TNC: variants seen among roughly 807,000 people sequenced by gnomAD.
TNC encodes tenascin.
In TNC, 109 loss-of-function variants were observed where a neutral mutation model predicts 202.4. The ratio of observed to expected loss-of-function variants is 0.54; its 90% CI spans 0.46 to 0.63. The LOEUF (loss-of-function observed/expected upper bound fraction) is 0.63, where lower values mean the gene tolerates loss of function less well. Among genes scored for constraint, TNC ranks in the 30% least tolerant of loss-of-function variants. TNC has a pLI of 0.00. For missense variants in TNC, 2,756 were observed against 2,833.3 expected, an observed-to-expected ratio of 0.97 and a Z score of 0.62; for synonymous variants, 1,007 against 1,089.7, an observed-to-expected ratio of 0.92 and a Z score of 1.50.
Position 115,097,544 on chromosome 9 carries a change from A to C in TNC, c.-136-6390T>G, listed in dbSNP as rs547245421. On this transcript the variant is annotated intron_variant, in intron 1 of 27. Transcript: ENST00000350763. ...GGTCCCAAGAAAGACATCTCAAAAA[A>C]GTGGTATTTGAGATGTACTTGAAAG... is the stretch of plus-strand genomic sequence containing the variant. Among the ~76,000 whole-genome samples the C allele has an allele frequency of 5.3e-5, 8 of 152,328 alleles. No individual in the cohort carries two copies. The South Asian group carries it at 1.7e-3, about 32-fold the overall frequency.
intron 6 of TNC, 43 bp downstream of exon 6, chr9:115,081,729 C>T: frequency 6.2e-7 from 1 of 1,609,878 alleles, no homozygotes. Context: ...CTATGAGGTA[C>T]AATCAGCCTT....
At position 115,090,595 on chromosome 9, in the gene TNC, C is replaced by A; in HGVS notation, c.424G>T (p.Ala142Ser). ...GGCTGGAGACAGCAGCCTGCTCCTG[C>A]AGTACATTGCTCCCTCAGGGAAGAC... Reference protein sequence around the residue: ...LVSSLREQCTAGAGCCLQPAT... With the variant: ...LVSSLREQCTSGAGCCLQPAT... The change falls in exon 2 of 28, where the codon GCA (alanine) becomes TCA (serine). Residue 142 changes from alanine to serine, a missense_variant. Transcript: ENST00000350763. 6.3e-7 allele frequency: 1 copy of A among 1,591,886 alleles called. No individual in the cohort carries two copies. Among genetic ancestry groups the A allele is most frequent in the Non-Finnish European group, 8.6e-7 (1 of 1,167,920 alleles).
At chr9:115,091,447 T>C (rs1835227721) in intron 1 of TNC, among the ~76,000 whole-genome samples, 1 of 152,246 alleles carries the variant, frequency 6.6e-6, no homozygotes, top group Admixed American at 6.5e-5. Context: ...GCTGTAGCTC[T>C]GGTCCCTTGG....
intron 18 of TNC, 83 bp from the exon 19 acceptor site, chr9:115,041,167 A>G: frequency 2.8e-6 from 4 of 1,446,866 alleles, no homozygotes; most frequent in Admixed American, 4.5e-5. Context: ...AGTGTATCTG[A>G]TTTAGAAATG....
At chr9:115,082,960 G>A (rs1031356500) in intron 4 of TNC, among the ~76,000 whole-genome samples, 153 bp from the exon 5 acceptor site, 3 of 152,206 alleles carry the variant, frequency 2.0e-5, no homozygotes, top group Admixed American at 6.5e-5. Context: ...CTGGGATGAG[G>A]TCTCTATGAG....
chr9:115,074,867 A>T (rs1020276527), intron 9 of TNC, among the ~76,000 whole-genome samples: 1 of 152,226 alleles, frequency 6.6e-6, no homozygotes, highest in Admixed American at 6.5e-5. Context: ...AGATTACGCC[A>T]ATGTCAATTT....
At chr9:115,069,701 TC>T (rs1833272931) in intron 10 of TNC, among the ~76,000 whole-genome samples, 1 of 14,840 alleles carries the variant, frequency 6.7e-5, no homozygotes, top group African/African-American at 3.5e-4. Context: ...CCTCCCTCCC[TC>T]CCTCCCTTCC....
At position 115,082,170 on chromosome 9, in the gene TNC, T is replaced by A. The variant is rs531030937; in HGVS notation, c.2248-242A>T. On this transcript the variant is annotated intron_variant, in intron 5 of 27. Coordinates refer to ENST00000350763, the MANE Select transcript of TNC (RefSeq NM_002160.4). Reference sequence around the variant, plus strand: ...TTGTCATGCAAGTCAAATGACAGAATGTGAGAGCCAAAGGAATTCTGAAGG... The same window carrying A: ...TTGTCATGCAAGTCAAATGACAGAAAGTGAGAGCCAAAGGAATTCTGAAGG... Among the ~76,000 whole-genome samples, 4 of 152,352 alleles carry A rather than the reference T, an allele frequency of 2.6e-5. No homozygotes were observed. In the East Asian group the frequency reaches 7.7e-4, roughly 29 times the overall value.
intron 18 of TNC, 68 bp downstream of exon 18, chr9:115,042,151 G>A: frequency 6.5e-7 from 1 of 1,549,992 alleles, no homozygotes; most frequent in African/African-American, 1.4e-5. Context: ...AAATTATCAG[G>A]GTCTTTTTCA....
intron 19 of TNC, 99 bp downstream of exon 19, chr9:115,040,842 C>T: frequency 1.4e-6 from 2 of 1,435,458 alleles, no homozygotes; most frequent in Non-Finnish European, 1.9e-6. Context: ...GCTGCTGAGT[C>T]ATGAGCTACA....
chr9:115,036,377 G>T, intron 20 of TNC, 136 bp from the exon 21 acceptor site: 3 of 943,502 alleles, frequency 3.2e-6, no homozygotes, highest in African/African-American at 1.6e-5. Context: ...TCTGATTTCT[G>T]AAATGACTCA....
At chr9:115,035,082 T>C (rs1830216350) in intron 22 of TNC, 122 bp downstream of exon 22, 16 of 1,175,692 alleles carry the variant, frequency 1.4e-5, no homozygotes, top group Admixed American at 2.7e-5. Flanking sequence ...CTCTACTAAT[T>C]TTTTTTTTCA....
intron 1 of TNC, among the ~76,000 whole-genome samples, chr9:115,101,701 G>C (rs535065970): frequency 1.4e-4 from 22 of 152,226 alleles, no homozygotes; most frequent in African/African-American, 5.3e-4. Flanking sequence ...TGGAAAATAG[G>C]CCAAGTAAGG....
intron 15 of TNC, among the ~76,000 whole-genome samples, chr9:115,051,941 T>G (rs1445648776): frequency 6.6e-6 from 1 of 152,076 alleles, no homozygotes; most frequent in African/African-American, 2.4e-5. Context: ...CTTAGAAGTT[T>G]ACATATATTA....
intron 13 of TNC, 33 bp from the exon 14 acceptor site, chr9:115,060,035 T>C: frequency 6.4e-7 from 1 of 1,562,336 alleles, no homozygotes; most frequent in East Asian, 2.3e-5. Flanking sequence ...TTGTCAGTTC[T>C]ATAAACCAAA....
intron 15 of TNC, chr9:115,052,730 G>A (rs957025612): frequency 4.3e-6 from 3 of 698,604 alleles, no homozygotes; most frequent in Non-Finnish European, 2.6e-6. Context: ...GAGAACCTCT[G>A]ATTGAGTACC....
chr9:115,055,881 C>T (rs1258919723), intron 15 of TNC: 1 of 152,156 alleles, frequency 6.6e-6, no homozygotes, highest in African/African-American at 2.4e-5. Context: ...AATAATTTGT[C>T]CCTTGTTGAA....
At chr9:115,087,994 C>T (rs893158643) in intron 2 of TNC, among the ~76,000 whole-genome samples, 10 of 152,138 alleles carry the variant, frequency 6.6e-5, no homozygotes, top group Admixed American at 6.5e-5. Context: ...TGAGCCACCA[C>T]GACTGGCCAC....
intron 17 of TNC, among the ~76,000 whole-genome samples, chr9:115,043,270 G>A (rs1010699654): frequency 1.3e-5 from 2 of 152,094 alleles, no homozygotes; most frequent in South Asian, 2.1e-4. Flanking sequence ...ATTCAGCAAG[G>A]GTTTTTTTTT....
Sources: gnomAD v4.1 joint callset for allele counts (sites outside exome capture counted in the v4.1 genomes callset) on GRCh38, gnomAD v4.1.1 for gene constraint, MANE v1.5 for transcripts, NCBI Gene and HGNC (gene_info 2026-07-23, HGNC 2026-07-21) for gene names.